Variants in OR14A2 observed in about 807,000 individuals in gnomAD.
OR14A2 encodes the protein olfactory receptor 14A2.
For missense variants in OR14A2, 237 were observed against 152.9 expected, an observed-to-expected ratio of 1.55 and a Z score of -2.90; for synonymous variants, 114 against 58.6, an observed-to-expected ratio of 1.95 and a Z score of -4.32.
At chr1:247,738,839 A>C in the OR14A2 span, 4 of 780,652 alleles carry the variant, frequency 5.1e-6, no homozygotes, top group East Asian at 9.7e-5. Context: ...TTTCTGCCAC[A>C]GTCCCCAAAT....
the OR14A2 span, among the ~76,000 whole-genome samples, chr1:247,732,193 C>T: frequency 6.6e-6 from 1 of 151,472 alleles, no homozygotes; most frequent in African/African-American, 2.4e-5. Context: ...CTTTAAAGAT[C>T]TCTACACTCA....
upstream of OR14A2, among the ~76,000 whole-genome samples, chr1:247,726,663 T>C (rs987891363): frequency 5.4e-5 from 8 of 149,060 alleles, no homozygotes; most frequent in Non-Finnish European, 1.2e-4. Flanking sequence ...TTTATGGTTT[T>C]AGGTCTAATG....
chr1:247,738,592 T>C, the OR14A2 span: 6 of 758,032 alleles, frequency 7.9e-6, no homozygotes, highest in Non-Finnish European at 1.5e-5. Context: ...CTTTACTCCA[T>C]AGGGCGCTTA....
At chr1:247,726,339 A>C, upstream of OR14A2, among the ~76,000 whole-genome samples, 1 of 136,726 alleles carries the variant, frequency 7.3e-6, no homozygotes. Flanking sequence ...TCTTTTGAGA[A>C]GTGTCTGTTC....
chr1:247,729,544 C>G, the OR14A2 span, among the ~76,000 whole-genome samples: 1 of 151,986 alleles, frequency 6.6e-6, no homozygotes. Flanking sequence ...TTATATTAAG[C>G]CTATGGTTAA....
chr1:247,745,385 C>A, the OR14A2 span, among the ~76,000 whole-genome samples: 1 of 139,782 alleles, frequency 7.2e-6, no homozygotes. Flanking sequence ...AAGATGGTAG[C>A]TTGGAAAAAA....
upstream of OR14A2, among the ~76,000 whole-genome samples, chr1:247,727,791 A>T (rs1660413911): frequency 6.7e-6 from 1 of 149,596 alleles, no homozygotes; most frequent in African/African-American, 2.5e-5. Flanking sequence ...AATACTATAA[A>T]CACCTCTATG....
the OR14A2 span, among the ~76,000 whole-genome samples, chr1:247,732,898 TAA>T: frequency 8.4e-3 from 1,279 of 152,280 alleles, 12 homozygotes; most frequent in African/African-American, 0.027. Context: ...ATGTTTGTAG[TAA>T]AGTCTTTTTG....
upstream of OR14A2, among the ~76,000 whole-genome samples, chr1:247,726,906 A>G (rs1418200683): frequency 7.1e-6 from 1 of 140,356 alleles, no homozygotes; most frequent in East Asian, 2.0e-4. Flanking sequence ...CTGTTTTGGT[A>G]CCAGTACCAT....
At chr1:247,730,080 T>G in the OR14A2 span, among the ~76,000 whole-genome samples, 1 of 152,084 alleles carries the variant, frequency 6.6e-6, no homozygotes, top group Admixed American at 6.6e-5. Flanking sequence ...GTTTTCAAAA[T>G]TTTGTGGTTA....
At chr1:247,723,568 G>A in exon 1 of OR14A2, 1 of 718,314 alleles carries the variant, frequency 1.4e-6, no homozygotes, top group Non-Finnish European at 2.6e-6. Context: ...AAATGTGCCA[G>A]CTGTGTACGC....
At chr1:247,745,477 C>T in the OR14A2 span, among the ~76,000 whole-genome samples, 1 of 151,274 alleles carries the variant, frequency 6.6e-6, no homozygotes, top group Non-Finnish European at 1.5e-5. Flanking sequence ...CTTCCCTAAG[C>T]AAAACCCCAA....
the OR14A2 span, chr1:247,738,917 G>T: frequency 1.3e-5 from 10 of 780,500 alleles, no homozygotes; most frequent in East Asian, 2.4e-4. Flanking sequence ...AGCTCTTCTT[G>T]GTGGTACTGC....
the OR14A2 span, among the ~76,000 whole-genome samples, chr1:247,732,945 G>A: frequency 6.6e-6 from 1 of 152,096 alleles, no homozygotes; most frequent in Non-Finnish European, 1.5e-5. Context: ...AAGGCTCTGG[G>A]CATGCTATGG....
the OR14A2 span, among the ~76,000 whole-genome samples, chr1:247,731,046 T>C: frequency 6.6e-6 from 1 of 152,308 alleles, no homozygotes; most frequent in South Asian, 2.1e-4. Context: ...TATATGACCA[T>C]GTCTGATACT....
chr1:247,727,024 T>C (rs937572372), upstream of OR14A2, among the ~76,000 whole-genome samples: 2 of 150,742 alleles, frequency 1.3e-5, no homozygotes, highest in Non-Finnish European at 2.9e-5. Flanking sequence ...GGGCTCTTTT[T>C]TGGTGCCATA....
chr1:247,737,928 T>C, the OR14A2 span, among the ~76,000 whole-genome samples: 13 of 152,294 alleles, frequency 8.5e-5, no homozygotes, highest in African/African-American at 2.9e-4. Context: ...TGGCTAAGTC[T>C]CAGGTTTTTG....
At chr1:247,747,589 C>T in the OR14A2 span, among the ~76,000 whole-genome samples, 5 of 152,020 alleles carry the variant, frequency 3.3e-5, no homozygotes, top group Admixed American at 3.3e-4. Flanking sequence ...GTCTCGATCT[C>T]CTGACCTCAT....
At chr1:247,735,050 C>T in the OR14A2 span, among the ~76,000 whole-genome samples, 3 of 152,200 alleles carry the variant, frequency 2.0e-5, no homozygotes, top group African/African-American at 4.8e-5. Context: ...AGCCTGAACT[C>T]GTAGGATGCT....
Sources: gnomAD v4.1 joint callset for allele counts (sites outside exome capture counted in the v4.1 genomes callset) on GRCh38, gnomAD v4.1.1 for gene constraint, MANE v1.5 for transcripts, NCBI Gene and HGNC (gene_info 2026-07-23, HGNC 2026-07-21) for gene names.